AGO3: variants seen among roughly 807,000 people sequenced by gnomAD.
The protein encoded by AGO3 is argonaute RISC catalytic component 3.
AGO3 carries 16 observed loss-of-function variants against 105.5 expected under a neutral mutation model. That is an observed-to-expected ratio of 0.15 (90% CI 0.10 to 0.23). The LOEUF (loss-of-function observed/expected upper bound fraction) is 0.23. Among genes scored for constraint, AGO3 ranks in the 10% least tolerant of loss-of-function variants. AGO3 has a pLI of 1.00. For missense variants in AGO3, 534 were observed against 1,088.0 expected (o/e 0.49, Z 7.16); for synonymous variants, 340 against 367.3 (o/e 0.93, Z 0.85).
chr1:36,007,774 T>G (rs1640408118), intron 6 of AGO3, among the ~76,000 whole-genome samples: 1 of 152,170 alleles, frequency 6.6e-6, no homozygotes, highest in African/African-American at 2.4e-5. Context: ...AACATGTTAT[T>G]AGTGATTACC....
intron 11 of AGO3, among the ~76,000 whole-genome samples, chr1:36,017,898 G>C (rs1410067336): frequency 1.3e-5 from 2 of 151,874 alleles, no homozygotes; most frequent in African/African-American, 4.8e-5. Flanking sequence ...GCCAGACCCT[G>C]TCTCCAAAAA....
intron 5 of AGO3, among the ~76,000 whole-genome samples, chr1:35,986,526 G>A (rs903381142): frequency 5.3e-5 from 8 of 150,812 alleles, no homozygotes; most frequent in East Asian, 3.9e-4. Context: ...CCATCTCTAC[G>A]TAAAATACAA....
At chr1:35,955,263 G>T (rs1380346627) in intron 2 of AGO3, among the ~76,000 whole-genome samples, 1 of 152,204 alleles carries the variant, frequency 6.6e-6, no homozygotes, top group African/African-American at 2.4e-5. Context: ...TTGGAAGGCT[G>T]TTGTAGTAGT....
At chr1:35,966,854 G>T in intron 2 of AGO3, 101 bp from the exon 3 acceptor site, 1 of 1,298,044 alleles carries the variant, frequency 7.7e-7, no homozygotes, top group South Asian at 2.0e-5. Flanking sequence ...ATATTTTTTA[G>T]AATTTTGACA....
At chr1:36,016,042 A>G (rs1382074608) in intron 11 of AGO3, among the ~76,000 whole-genome samples, 1 of 152,256 alleles carries the variant, frequency 6.6e-6, no homozygotes, top group Admixed American at 6.5e-5. Context: ...AATGAAGTAC[A>G]GAAACAGATG....
chr1:35,967,363 T>C (rs777150516), intron 3 of AGO3, among the ~76,000 whole-genome samples: 3 of 152,072 alleles, frequency 2.0e-5, no homozygotes, highest in Non-Finnish European at 2.9e-5. Flanking sequence ...TCCTGAACCA[T>C]TCACAAGTAG....
intron 8 of AGO3, 90 bp downstream of exon 8, chr1:36,009,134 T>A: frequency 7.4e-7 from 1 of 1,351,582 alleles, no homozygotes; most frequent in Non-Finnish European, 9.5e-7. Flanking sequence ...TACAGAACAT[T>A]TATTTTGGAA....
At position 35,958,346 on chromosome 1, in the gene AGO3, A is replaced by G. The variant is rs534989250; in HGVS notation, c.192-8609A>G. Among the ~76,000 whole-genome samples the G allele has an allele frequency of 1.3e-4, 20 of 151,852 alleles. No homozygotes were observed. In the South Asian group the frequency reaches 3.7e-3, roughly 28 times the overall value. ...CAGTGAGCCGAGATCACACCACTGC[A>G]CTCCAGTCTAGGCGACAGAATAAGA... On this transcript the variant is annotated intron_variant, in intron 2 of 18. Coordinates refer to ENST00000373191, the MANE Select transcript of AGO3 (RefSeq NM_024852.4).
rs772596559 is a variant in AGO3 at position 36,046,462 on chromosome 1, C to T, written c.2274+2914C>T. Among the ~76,000 whole-genome samples the T allele has an allele frequency of 2.0e-5, 3 of 151,722 alleles. No homozygotes were observed. In the East Asian group the frequency reaches 5.8e-4, roughly 29 times the overall value. ...ATCCCAGCACTTCGGGAGGCCGAGG[C>T]GGGCATATCACCTGAGGTCAGGAGT... On this transcript the variant is annotated intron_variant, in intron 17 of 18. Transcript: ENST00000373191.
intron 5 of AGO3, among the ~76,000 whole-genome samples, chr1:35,995,062 A>G (rs1421780866): frequency 6.6e-6 from 1 of 151,698 alleles, no homozygotes; most frequent in Non-Finnish European, 1.5e-5. Flanking sequence ...TTAGCCGGGC[A>G]TGGTGGCGTG....
At chr1:36,005,645 C>T (rs1299390110) in intron 6 of AGO3, 2 of 894,158 alleles carry the variant, frequency 2.2e-6, no homozygotes, top group African/African-American at 1.8e-5. Context: ...TAGTTACCAC[C>T]TCTGATATCA....
chr1:35,992,329 G>A (rs950916575), intron 5 of AGO3: 2 of 152,120 alleles, frequency 1.3e-5, no homozygotes, highest in Non-Finnish European at 2.9e-5. Flanking sequence ...ATGAACAAGA[G>A]GCAGCTGTTC....
At chr1:35,944,886 T>A (rs1646332837) in intron 1 of AGO3, among the ~76,000 whole-genome samples, 1 of 152,162 alleles carries the variant, frequency 6.6e-6, no homozygotes, top group Non-Finnish European at 1.5e-5. Flanking sequence ...CATTGCAAAC[T>A]CTGCCTCACA....
intron 5 of AGO3, among the ~76,000 whole-genome samples, chr1:35,975,208 A>G (rs146503390): frequency 6.6e-6 from 1 of 152,290 alleles, no homozygotes; most frequent in African/African-American, 2.4e-5. Context: ...AATATTTTGC[A>G]TCAATGAATG....
At chr1:35,965,023 A>G (rs1646747277) in intron 2 of AGO3, among the ~76,000 whole-genome samples, 1 of 151,708 alleles carries the variant, frequency 6.6e-6, no homozygotes, top group Non-Finnish European at 1.5e-5. Context: ...TTTATTCCTA[A>G]GATGTTTTGG....
intron 1 of AGO3, among the ~76,000 whole-genome samples, chr1:35,934,157 G>A (rs1646106484): frequency 6.6e-6 from 1 of 152,144 alleles, no homozygotes; most frequent in East Asian, 1.9e-4. Flanking sequence ...TAAATAAAGT[G>A]GGAATAGGGA....
chr1:36,023,249 A>G (rs906751154), intron 11 of AGO3, among the ~76,000 whole-genome samples: 3 of 152,154 alleles, frequency 2.0e-5, no homozygotes, highest in East Asian at 1.9e-4. Flanking sequence ...CTTACCCACA[A>G]TCCCCAGTTG....
chr1:36,008,984 C>G lies in AGO3; in HGVS notation c.969C>G (p.Tyr323Ter). ...FREKYTLQLK[Y>*]PHLPCLQVGQ... is the part of the protein sequence containing the mutation. The stretch of plus-strand genomic sequence containing the variant: ...AAAAGTATACTCTTCAGCTGAAGTA[C>G]CCGCACCTTCCCTGTCTGCAAGTCG... The change falls in exon 8 of 19, where the codon TAC becomes TAG. Residue 323 changes from tyrosine to a stop codon, truncating the protein, a stop_gained. Transcript: ENST00000373191. LOFTEE classifies it high-confidence loss of function. This position sits in a 1 kb window ranked among gnomAD's most constrained non-coding sequence, Gnocchi z 5.1. 1 of 1,609,082 alleles carries G rather than the reference C, an allele frequency of 6.2e-7. No homozygotes were observed. Among genetic ancestry groups the G allele is most frequent in the Non-Finnish European group, 8.5e-7 (1 of 1,177,836 alleles).
At chr1:36,036,412 G>T in intron 14 of AGO3, 145 bp downstream of exon 14, 1 of 756,586 alleles carries the variant, frequency 1.3e-6, no homozygotes. Context: ...TTATTCTCTG[G>T]TTTGGAGTTT....
Sources: gnomAD v4.1 joint callset for allele counts (sites outside exome capture counted in the v4.1 genomes callset) on GRCh38, gnomAD v4.1.1 for gene constraint, Gnocchi (gnomAD v3.1) non-coding constraint, MANE v1.5 for transcripts, NCBI Gene and HGNC (gene_info 2026-07-23, HGNC 2026-07-21) for gene names.